The following SOX5 variants were observed in gnomAD, a reference collection of about 807,000 sequenced individuals.
SOX5 encodes the protein SRY-box transcription factor 5.
In SOX5, 9 loss-of-function variants were observed where a neutral mutation model predicts 92.0. The observed-to-expected ratio is 0.10, with a 90% CI of 0.06 to 0.17. SOX5 has a LOEUF of 0.17. Ranked by LOEUF, SOX5 falls within the 10% of genes least tolerant of loss-of-function variation. SOX5 has a pLI of 1.00. For synonymous variants in SOX5, 344 were observed against 336.3 expected, an observed-to-expected ratio of 1.02 and a Z score of -0.25; for missense variants, 642 against 944.5, an observed-to-expected ratio of 0.68 and a Z score of 4.20.
Position 24,375,754 on chromosome 12 carries a change from A to AG in SOX5, c.-250-7116dup, listed in dbSNP as rs397786098. ...TCTGTCTCAAAAAAAAAAAAAAAAA[A>AG]GTGAGAATACATTATGGAAACAGCT... On this transcript the variant is annotated intron_variant, in intron 1 of 4. Coordinates refer to the SOX5 transcript ENST00000446891. Among the ~76,000 whole-genome samples the AG allele has an allele frequency of 2.2e-3, 335 of 150,446 alleles. 4 individuals carry two copies. Among genetic ancestry groups the AG allele is most frequent in the African/African-American group, 7.7e-3 (315 of 40,906 alleles).
intron 3 of SOX5, chr12:23,762,501 A>T (rs186184611): frequency 2.3e-5 from 10 of 442,340 alleles, no homozygotes; most frequent in African/African-American, 2.0e-4. Context: ...CTTTATTTTT[A>T]TATGTGATTG....
chr12:24,322,500 C>A (rs929449249), intron 2 of SOX5, among the ~76,000 whole-genome samples: 1 of 152,164 alleles, frequency 6.6e-6, no homozygotes, highest in Non-Finnish European at 1.5e-5. Context: ...TGTGTATGCA[C>A]ACGTAAGTGT....
intron 3 of SOX5, among the ~76,000 whole-genome samples, chr12:24,271,388 A>C (rs1319727013): frequency 3.9e-5 from 6 of 152,250 alleles, no homozygotes; most frequent in South Asian, 4.2e-4. Context: ...TTTAACAACG[A>C]CTTGTAGTTT....
chr12:23,949,480 G>A (rs1426109473), intron 1 of SOX5, 84 bp downstream of exon 1: 31 of 1,530,944 alleles, frequency 2.0e-5, no homozygotes, highest in Non-Finnish European at 2.7e-5. Flanking sequence ...CACGTTTTGG[G>A]GGAGCATCTT....
At chr12:24,335,047 TA>T (rs899487256) in intron 2 of SOX5, among the ~76,000 whole-genome samples, 2 of 152,026 alleles carry the variant, frequency 1.3e-5, no homozygotes, top group Admixed American at 6.6e-5. Flanking sequence ...TCTTTCACCC[TA>T]AAAAAAATCA....
intron 1 of SOX5, among the ~76,000 whole-genome samples, chr12:23,930,096 A>G (rs1449025470): frequency 6.6e-6 from 1 of 151,852 alleles, no homozygotes; most frequent in Admixed American, 6.6e-5. Flanking sequence ...AAGGGCATTA[A>G]AAGTAAACAA....
chr12:23,987,789 C>A (rs554450001), intron 4 of SOX5, among the ~76,000 whole-genome samples: 18 of 152,130 alleles, frequency 1.2e-4, no homozygotes, highest in Non-Finnish European at 1.5e-4. Context: ...CTAGACCCTG[C>A]CTTGAAAACA....
At chr12:24,262,338 TC>T (rs1339224335) in intron 3 of SOX5, among the ~76,000 whole-genome samples, 1 of 152,148 alleles carries the variant, frequency 6.6e-6, no homozygotes, top group Non-Finnish European at 1.5e-5. Flanking sequence ...CAAAGACACA[TC>T]TCCTTGCCTG....
At chr12:23,788,426 C>T (rs886659984) in intron 3 of SOX5, among the ~76,000 whole-genome samples, 1 of 151,866 alleles carries the variant, frequency 6.6e-6, no homozygotes, top group Non-Finnish European at 1.5e-5. Context: ...ATTAATGGAA[C>T]ACTTGATTTG....
intron 6 of SOX5, among the ~76,000 whole-genome samples, chr12:23,707,198 T>C (rs972386562): frequency 1.3e-5 from 2 of 152,180 alleles, no homozygotes. Context: ...TCCATCCTAA[T>C]GAAAAGCCTA....
chr12:24,399,616 T>G (rs1566071880), intron 1 of SOX5, among the ~76,000 whole-genome samples: 1 of 152,198 alleles, frequency 6.6e-6, no homozygotes, highest in African/African-American at 2.4e-5. Context: ...CATATTTCAG[T>G]AGCTAAAAAA....
chr12:23,771,471 A>T (rs1401531108), intron 3 of SOX5, among the ~76,000 whole-genome samples: 1 of 152,196 alleles, frequency 6.6e-6, no homozygotes, highest in African/African-American at 2.4e-5. Context: ...AACAGGTCTC[A>T]GTGTTCCTGG....
chr12:24,518,711 C>A (rs991792494), intron 1 of SOX5, among the ~76,000 whole-genome samples: 1 of 152,142 alleles, frequency 6.6e-6, no homozygotes, highest in Non-Finnish European at 1.5e-5. Flanking sequence ...CATTTACATA[C>A]AGTATCATTT....
intron 1 of SOX5, among the ~76,000 whole-genome samples, chr12:24,510,762 G>C (rs12823697): frequency 0.08 from 12,149 of 152,186 alleles, 550 homozygotes; most frequent in South Asian, 0.13. Context: ...GAGAGGGAAC[G>C]CATGCCAGAT....
intron 3 of SOX5, among the ~76,000 whole-genome samples, chr12:24,224,236 C>A (rs773810060): frequency 2.6e-5 from 4 of 152,118 alleles, no homozygotes; most frequent in Non-Finnish European, 5.9e-5. Context: ...AATTAGTGGA[C>A]GAGGCTTTTA....
intron 4 of SOX5, among the ~76,000 whole-genome samples, chr12:23,745,494 T>C (rs1411648610): frequency 2.0e-5 from 3 of 152,148 alleles, no homozygotes; most frequent in Admixed American, 6.6e-5. Context: ...CAAGTCATTA[T>C]TGCGAATTAA....
At chr12:24,451,714 T>C (rs1165177319) in intron 1 of SOX5, among the ~76,000 whole-genome samples, 1 of 152,140 alleles carries the variant, frequency 6.6e-6, no homozygotes, top group Non-Finnish European at 1.5e-5. Flanking sequence ...CTAACCGATA[T>C]TAGAGAAATG....
intron 1 of SOX5, among the ~76,000 whole-genome samples, chr12:24,379,662 G>T (rs1184248650): frequency 6.6e-6 from 1 of 152,110 alleles, no homozygotes; most frequent in African/African-American, 2.4e-5. Context: ...AGAGACAAGA[G>T]AAAGGGATCA....
chr12:24,360,163 G>A (rs1955379003), intron 2 of SOX5, among the ~76,000 whole-genome samples: 1 of 152,156 alleles, frequency 6.6e-6, no homozygotes, highest in African/African-American at 2.4e-5. Context: ...TTATTTCTGT[G>A]TAACTTCCTC....
Sources: gnomAD v4.1 joint callset for allele counts (sites outside exome capture counted in the v4.1 genomes callset) on GRCh38, gnomAD v4.1.1 for gene constraint, MANE v1.5 for transcripts, NCBI Gene and HGNC (gene_info 2026-07-23, HGNC 2026-07-21) for gene names.